Variants in LRP1B observed in about 807,000 individuals in gnomAD.
LRP1B encodes the protein low-density lipoprotein receptor-related protein 1B.
A neutral mutation model predicts 556.6 loss-of-function variants in LRP1B; 217 were observed. That is an observed-to-expected ratio of 0.39 (90% CI 0.35 to 0.44). The LOEUF (loss-of-function observed/expected upper bound fraction) is 0.44, where lower values mean the gene tolerates loss of function less well. Ranked by LOEUF, LRP1B falls within the 20% of genes least tolerant of loss-of-function variation. The probability of loss-of-function intolerance (pLI) is 1.00; values close to 1 mark genes in which losing one functional copy is unlikely to be tolerated. For synonymous variants in LRP1B, 2,047 were observed against 1,865.8 expected (o/e 1.10, Z -2.50); for missense variants, 5,053 against 5,620.8 (o/e 0.90, Z 3.23).
chr2:141,958,823 C>G (rs1166831127), intron 1 of LRP1B, among the ~76,000 whole-genome samples: 1 of 151,848 alleles, frequency 6.6e-6, no homozygotes, highest in Non-Finnish European at 1.5e-5. Flanking sequence ...TAAGGAAAAC[C>G]CTGCTTTTCA....
chr2:140,855,518 C>G lies in LRP1B; in HGVS notation c.4580-3735G>C, dbSNP rs114358658. On this transcript the variant is annotated intron_variant, in intron 27 of 90. Coordinates refer to ENST00000389484, the MANE Select transcript of LRP1B (RefSeq NM_018557.3). Reference sequence around the variant, plus strand: ...GAAAAAAAAAAAATTTGAATGGCTTCCCACAGTCTACCTCACAAAGTGTCG... The same window carrying G: ...GAAAAAAAAAAAATTTGAATGGCTTGCCACAGTCTACCTCACAAAGTGTCG... Among the ~76,000 whole-genome samples the G allele has an allele frequency of 6.0e-3, 426 of 71,410 alleles. 3 individuals carry two copies. The highest frequency in any genetic ancestry group is 0.018 in the African/African-American group (409 of 22,564). The allele number at this position is 71,410 out of a possible 152,430, so 46.8% of individuals were successfully genotyped here.
chr2:140,941,281 C>A (rs1695393942), intron 20 of LRP1B, among the ~76,000 whole-genome samples: 1 of 151,976 alleles, frequency 6.6e-6, no homozygotes, highest in African/African-American at 2.4e-5. Context: ...CTGACTAGAC[C>A]CAGCCAAGAT....
intron 1 of LRP1B, among the ~76,000 whole-genome samples, chr2:141,899,935 C>G (rs531870292): frequency 6.4e-4 from 97 of 152,052 alleles, no homozygotes; most frequent in African/African-American, 1.9e-3. Context: ...ACTGACTGTG[C>G]ACTCAAATGT....
chr2:141,208,855 C>T (rs1226404584), intron 6 of LRP1B, among the ~76,000 whole-genome samples: 1 of 101,452 alleles, frequency 9.9e-6, no homozygotes, highest in Non-Finnish European at 1.8e-5. Context: ...GGCAATAAAG[C>T]GAGATTCTGA....
chr2:141,082,600 G>T (rs1399280670), intron 7 of LRP1B, among the ~76,000 whole-genome samples: 1 of 152,194 alleles, frequency 6.6e-6, no homozygotes, highest in African/African-American at 2.4e-5. Context: ...GTTAAGTGGA[G>T]TGCTATGTTT....
chr2:140,361,306 C>T (rs1205242741), intron 72 of LRP1B, among the ~76,000 whole-genome samples: 1 of 116,672 alleles, frequency 8.6e-6, no homozygotes, highest in Non-Finnish European at 1.7e-5. Context: ...ACTGATACCA[C>T]CAAGTATGAA....
intron 3 of LRP1B, among the ~76,000 whole-genome samples, chr2:141,350,502 A>G (rs1688404656): frequency 6.6e-6 from 1 of 152,078 alleles, no homozygotes; most frequent in African/African-American, 2.4e-5. Flanking sequence ...TGAATTCTAG[A>G]GGTTCACTTA....
At chr2:140,683,892 G>T (rs1173348490) in intron 41 of LRP1B, 2 of 531,632 alleles carry the variant, frequency 3.8e-6, no homozygotes, top group African/African-American at 2.0e-5. Context: ...CAGACTGAGG[G>T]GTCCATGCCG....
At position 140,371,045 on chromosome 2, in the gene LRP1B, T is replaced by A. The variant is rs115923757; in HGVS notation, c.10875+134A>T. ...AAAATTCAGGTATTTGCTGAAATGA[T>A]TGCATTCAATGTACATATCTAACAT... On this transcript the variant is annotated intron_variant, in intron 70 of 90. Transcript: ENST00000389484. 1.4e-3 allele frequency: 1,090 copies of A among 779,666 alleles called. 4 individuals are homozygous for A. The highest frequency in any genetic ancestry group is 1.9e-3 in the Non-Finnish European group (931 of 494,526). The allele number at this position is 779,666 out of a possible 1,614,324, so 48.3% of individuals were successfully genotyped here.
intron 45 of LRP1B, among the ~76,000 whole-genome samples, chr2:140,540,208 G>C (rs922380480): frequency 6.6e-6 from 1 of 151,990 alleles, no homozygotes; most frequent in African/African-American, 2.4e-5. Context: ...GGTGAGGAGA[G>C]ACAAAAAATG....
At chr2:141,772,713 C>A (rs951169673) in intron 2 of LRP1B, among the ~76,000 whole-genome samples, 1 of 152,174 alleles carries the variant, frequency 6.6e-6, no homozygotes, top group Admixed American at 6.5e-5. Context: ...ATACTCATAG[C>A]CCTGGGGTTC....
chr2:142,069,849 A>AT (rs1705247443), intron 1 of LRP1B, among the ~76,000 whole-genome samples: 1 of 148,742 alleles, frequency 6.7e-6, no homozygotes, highest in Admixed American at 6.9e-5. Flanking sequence ...TCATGACTAC[A>AT]TTTTTTGCTA....
At chr2:141,596,975 A>G (rs1687546508) in intron 2 of LRP1B, among the ~76,000 whole-genome samples, 1 of 151,882 alleles carries the variant, frequency 6.6e-6, no homozygotes, top group Non-Finnish European at 1.5e-5. Flanking sequence ...TCAAACATAT[A>G]TATGTAAAAA....
intron 41 of LRP1B, among the ~76,000 whole-genome samples, chr2:140,617,486 T>C (rs542127581): frequency 3.9e-5 from 6 of 152,134 alleles, no homozygotes; most frequent in South Asian, 4.1e-4. Flanking sequence ...CTATTTTTAA[T>C]AGCAAAAGTG....
intron 18 of LRP1B, among the ~76,000 whole-genome samples, chr2:140,979,596 G>C (rs1435869965): frequency 6.6e-6 from 1 of 152,038 alleles, no homozygotes; most frequent in Non-Finnish European, 1.5e-5. Context: ...CACACAAATA[G>C]GCAAACAATA....
At chr2:141,485,370 A>C (rs1396750040) in intron 2 of LRP1B, among the ~76,000 whole-genome samples, 1 of 152,164 alleles carries the variant, frequency 6.6e-6, no homozygotes, top group Non-Finnish European at 1.5e-5. Flanking sequence ...AATAGCAAAT[A>C]ATATTTTTAG....
At chr2:141,973,668 G>A (rs1047147915) in intron 1 of LRP1B, among the ~76,000 whole-genome samples, 9 of 151,718 alleles carry the variant, frequency 5.9e-5, no homozygotes, top group African/African-American at 2.2e-4. Flanking sequence ...AAATAATTAA[G>A]TATTTATTAT....
intron 2 of LRP1B, among the ~76,000 whole-genome samples, chr2:141,694,190 T>C (rs1369145799): frequency 6.6e-6 from 1 of 152,046 alleles, no homozygotes. Flanking sequence ...AAATGACATA[T>C]TGGGATTCTA....
intron 1 of LRP1B, among the ~76,000 whole-genome samples, chr2:141,866,303 T>C (rs892446578): frequency 6.6e-6 from 1 of 152,250 alleles, no homozygotes; most frequent in Non-Finnish European, 1.5e-5. Context: ...TGTCTCTCTC[T>C]AGTCTACAGC....
Sources: gnomAD v4.1 joint callset for allele counts (sites outside exome capture counted in the v4.1 genomes callset) on GRCh38, gnomAD v4.1.1 for gene constraint, MANE v1.5 for transcripts, NCBI Gene and HGNC (gene_info 2026-07-23, HGNC 2026-07-21) for gene names.